The following COX10 variants were observed in gnomAD, a reference collection of about 807,000 sequenced individuals.
COX10 encodes the protein protoheme IX farnesyltransferase, mitochondrial.
COX10 carries 27 observed loss-of-function variants against 37.3 expected under a neutral mutation model. The observed-to-expected ratio is 0.72, with a 90% CI of 0.53 to 1.00. COX10 has a LOEUF of 1.00. Ranked by LOEUF, COX10 falls within the 50% of genes least tolerant of loss-of-function variation. The pLI is 0.00. For missense variants in COX10, 475 were observed against 563.2 expected, an observed-to-expected ratio of 0.84 and a Z score of 1.59; for synonymous variants, 222 against 229.1, an observed-to-expected ratio of 0.97 and a Z score of 0.28.
chr17:14,166,608 C>T (rs1030373681), intron 5 of COX10, among the ~76,000 whole-genome samples: 10 of 136,758 alleles, frequency 7.3e-5, no homozygotes, highest in Non-Finnish European at 1.1e-4. Context: ...AGAGTCAATT[C>T]GACCTTTTTT....
At chr17:14,206,116 G>T (rs1224625714) in intron 6 of COX10, among the ~76,000 whole-genome samples, 1 of 152,122 alleles carries the variant, frequency 6.6e-6, no homozygotes. Context: ...TGGCAGGCTT[G>T]TGCCCTGGAA....
At chr17:14,086,812 CT>C (rs35406677) in intron 3 of COX10, among the ~76,000 whole-genome samples, 1 of 152,120 alleles carries the variant, frequency 6.6e-6, no homozygotes, top group African/African-American at 2.4e-5. Context: ...AATCTACCTT[CT>C]TTTTTTAGAG....
At chr17:14,071,303 G>C in intron 1 of COX10, among the ~76,000 whole-genome samples, 1 of 152,144 alleles carries the variant, frequency 6.6e-6, no homozygotes, top group East Asian at 1.9e-4. Context: ...GCTGCATGTG[G>C]CCCATATGGT....
At chr17:14,164,716 G>C (rs1428016393) in intron 5 of COX10, among the ~76,000 whole-genome samples, 2 of 152,178 alleles carry the variant, frequency 1.3e-5, no homozygotes, top group Admixed American at 6.5e-5. Flanking sequence ...GAACCGTTTA[G>C]AGTATGTGAC....
At chr17:14,185,430 C>T (rs894887500) in intron 5 of COX10, among the ~76,000 whole-genome samples, 10 of 149,804 alleles carry the variant, frequency 6.7e-5, no homozygotes, top group Non-Finnish European at 1.3e-4. Context: ...TTTATGAGCA[C>T]TAAGGCAGAA....
intron 6 of COX10, among the ~76,000 whole-genome samples, chr17:14,205,126 C>G (rs1906657565): frequency 7.8e-6 from 1 of 128,648 alleles, no homozygotes. Context: ...GCACTCCAGC[C>G]AAACCACACC....
Position 14,076,982 on chromosome 17 carries a change from G to C in COX10, c.425G>C (p.Arg142Pro). 1 of 1,614,060 alleles carries C rather than the reference G, an allele frequency of 6.2e-7. No individual in the cohort carries two copies. The highest frequency in any genetic ancestry group is 8.5e-7 in the Non-Finnish European group (1 of 1,180,000). ...GGGAAAGAGACAAAAGAGGAAAAGC[G>C]GTGGAAAGAGATGAAGCTGCAAGTG... Reference protein sequence around the residue: ...DVGKETKEEKRWKEMKLQVYD... With the variant: ...DVGKETKEEKPWKEMKLQVYD... The change falls in exon 3 of 7, where the codon CGG becomes CCG. Residue 142 changes from arginine to proline, a missense_variant. Arg to Pro is a moderately radical substitution (Grantham distance 103, BLOSUM62 -2). Around this residue, in one of 5 missense-constraint regions of COX10, gnomAD observed 242 missense variants for 242.5 expected, o/e 1.00. Coordinates refer to ENST00000261643, the MANE Select transcript of COX10 (RefSeq NM_001303.4).
intron 4 of COX10, 78 bp from the exon 5 acceptor site, chr17:14,159,799 A>G: frequency 9.1e-7 from 1 of 1,098,902 alleles, no homozygotes; most frequent in Non-Finnish European, 1.4e-6. Flanking sequence ...TACTACAGAA[A>G]AAATGTTCAG....
intron 3 of COX10, among the ~76,000 whole-genome samples, chr17:14,099,901 C>T (rs1375489338): frequency 6.6e-6 from 1 of 152,136 alleles, no homozygotes; most frequent in Non-Finnish European, 1.5e-5. Context: ...ACCTCTTTCC[C>T]TAATGTCCTT....
intron 5 of COX10, among the ~76,000 whole-genome samples, chr17:14,189,859 C>T (rs569263433): frequency 6.6e-6 from 1 of 152,226 alleles, no homozygotes; most frequent in East Asian, 1.9e-4. Context: ...CATCAGGATG[C>T]TTGGCTTTGA....
intron 3 of COX10, among the ~76,000 whole-genome samples, chr17:14,101,006 T>C (rs963263013): frequency 6.6e-6 from 1 of 152,148 alleles, no homozygotes; most frequent in Admixed American, 6.6e-5. Context: ...CAAAAGTGTT[T>C]CCAGACAATG....
chr17:14,103,617 GTTGT>G (rs1419599559), intron 4 of COX10, among the ~76,000 whole-genome samples: 1 of 152,052 alleles, frequency 6.6e-6, no homozygotes, highest in Non-Finnish European at 1.5e-5. Flanking sequence ...AAAAATAAGA[GTTGT>G]TTGAGTTGGA....
chr17:14,109,219 C>T (rs968384869), intron 4 of COX10, among the ~76,000 whole-genome samples: 2 of 151,990 alleles, frequency 1.3e-5, no homozygotes, highest in African/African-American at 4.8e-5. Context: ...GAGTCTCTAA[C>T]TAAATATGGT....
At chr17:14,123,699 A>G in intron 4 of COX10, among the ~76,000 whole-genome samples, 1 of 152,174 alleles carries the variant, frequency 6.6e-6, no homozygotes, top group East Asian at 1.9e-4. Flanking sequence ...TGTGAAATCG[A>G]TTAATAAATT....
chr17:14,116,801 A>G (rs973536725), intron 4 of COX10, among the ~76,000 whole-genome samples: 2 of 152,104 alleles, frequency 1.3e-5, no homozygotes, highest in African/African-American at 4.8e-5. Flanking sequence ...CTCTATCACT[A>G]TTACTACTTC....
intron 5 of COX10, among the ~76,000 whole-genome samples, chr17:14,173,653 G>A (rs1905555487): frequency 6.6e-6 from 1 of 152,222 alleles, no homozygotes; most frequent in Admixed American, 6.5e-5. Flanking sequence ...TACACTGTGA[G>A]GGCTGTTCTA....
intron 3 of COX10, among the ~76,000 whole-genome samples, chr17:14,090,302 T>C (rs1915497746): frequency 6.6e-6 from 1 of 152,110 alleles, no homozygotes; most frequent in African/African-American, 2.4e-5. Context: ...TTATTAAGAT[T>C]AAGGAATGAA....
chr17:14,154,319 A>G (rs988507438), intron 4 of COX10, among the ~76,000 whole-genome samples: 1 of 152,208 alleles, frequency 6.6e-6, no homozygotes, highest in Non-Finnish European at 1.5e-5. Flanking sequence ...TTAAAAAGAG[A>G]TTGGCTCTAA....
At chr17:14,137,137 C>T (rs1442238639) in intron 4 of COX10, among the ~76,000 whole-genome samples, 1 of 151,384 alleles carries the variant, frequency 6.6e-6, no homozygotes, top group Non-Finnish European at 1.5e-5. Context: ...ATTGGGAGTG[C>T]CTTTCTGAAG....
Sources: gnomAD v4.1 joint callset for allele counts (sites outside exome capture counted in the v4.1 genomes callset) on GRCh38, gnomAD v4.1.1 for gene constraint, gnomAD v4.1.1 regional missense constraint, MANE v1.5 for transcripts, NCBI Gene and HGNC (gene_info 2026-07-23, HGNC 2026-07-21) for gene names.